Variants in CDC25B observed in about 807,000 individuals in gnomAD.
CDC25B encodes the protein cell division cycle 25B.
In CDC25B, 33 loss-of-function variants were observed where a neutral mutation model predicts 69.8. The observed-to-expected ratio is 0.47, with a 90% CI of 0.36 to 0.63. CDC25B has a LOEUF of 0.63. Among genes scored for constraint, CDC25B ranks in the 30% least tolerant of loss-of-function variants. The pLI is 0.00. For synonymous variants in CDC25B, 341 were observed against 314.6 expected (o/e 1.08, Z -0.89); for missense variants, 727 against 809.1 (o/e 0.90, Z 1.23).
Position 3,796,715 on chromosome 20 carries a change from C to G in CDC25B, c.184C>G (p.Leu62Val). 6.4e-7 allele frequency: 1 copy of G among 1,569,030 alleles called. No homozygotes were observed. The highest frequency in any genetic ancestry group is 1.1e-5 in the South Asian group (1 of 87,304). The change falls in exon 1 of 16, where the codon CTC (leucine) becomes GTC (valine). Residue 62 changes from leucine to valine, a missense_variant. Around this residue, in one of 2 missense-constraint regions of CDC25B, gnomAD observed 368 missense variants for 345.6 expected, o/e 1.06. Coordinates refer to ENST00000245960, the MANE Select transcript of CDC25B (RefSeq NM_021873.4). ...VTTLTQTMHD[L>V]AGLGSETPKS... ...CACCCTCACCCAGACCATGCACGAC[C>G]TCGCCGGGCTCGGCAGGTAGGACAC... is the stretch of plus-strand genomic sequence containing the variant.
At chr20:3,801,454 T>C in intron 8 of CDC25B, 66 bp downstream of exon 8, 1 of 1,515,996 alleles carries the variant, frequency 6.6e-7, no homozygotes, top group Non-Finnish European at 8.9e-7. Context: ...AGAAGAGAGC[T>C]CTGAGCCCTT....
intron 2 of CDC25B, among the ~76,000 whole-genome samples, 190 bp from the exon 3 acceptor site, chr20:3,798,222 C>G (rs2089135040): frequency 6.6e-6 from 1 of 151,884 alleles, no homozygotes; most frequent in Non-Finnish European, 1.5e-5. Flanking sequence ...GAGTGGAGCC[C>G]TGTACCGTCT....
Position 3,796,430 on chromosome 20 carries a change from C to G in CDC25B, c.-102C>G, listed in dbSNP as rs1487888721. The stretch of plus-strand genomic sequence containing the variant: ...CTCCCTCCCTCCTTCCCCCCCCCCC[C>G]ACCCCTCGCCCGCTGCCTCCCTCGG... On this transcript the variant is annotated 5_prime_UTR_variant, in exon 1 of 16. Coordinates refer to ENST00000245960, the MANE Select transcript of CDC25B (RefSeq NM_021873.4). The G allele has an allele frequency of 1.2e-4, 43 of 355,056 alleles. No individual in the cohort carries two copies. In the South Asian group the frequency reaches 1.4e-3, roughly 12 times the overall value. The allele number at this position is 355,056 out of a possible 1,614,324, so 22.0% of individuals were successfully genotyped here.
chr20:3,794,316 T>C (rs1227719501), upstream of CDC25B, among the ~76,000 whole-genome samples: 2 of 151,080 alleles, frequency 1.3e-5, no homozygotes, highest in Non-Finnish European at 1.5e-5. Flanking sequence ...TGGTATCTCA[T>C]TGTGGTTTTG....
chr20:3,801,771 T>A lies in CDC25B; in HGVS notation c.890T>A (p.Leu297Gln). Reference protein sequence around the residue: ...PGMESLISAPLVKTLEKEEEK... With the variant: ...PGMESLISAPQVKTLEKEEEK... ...ATGGAGAGTCTCATTAGTGCCCCACTGGTCAAGACCTTGGAAAAGGAAGAG... is the reference window on the plus strand; with the variant it reads ...ATGGAGAGTCTCATTAGTGCCCCACAGGTCAAGACCTTGGAAAAGGAAGAG... Residue 297 changes from leucine to glutamine, a missense_variant, in exon 9 of 16, where the codon CTG becomes CAG. By Grantham distance (113) the Leu-to-Gln change is moderately radical. Transcript: ENST00000245960. The A allele has an allele frequency of 6.2e-7, 1 of 1,606,704 alleles. No homozygotes were observed. The highest frequency in any genetic ancestry group is 8.5e-7 in the Non-Finnish European group (1 of 1,177,234).
In CDC25B at chr20:3,805,171, C is replaced by T. The variant is rs2089436479; in HGVS notation, c.*210C>T. On this transcript the variant is annotated 3_prime_UTR_variant, in exon 16 of 16. Coordinates refer to ENST00000245960, the MANE Select transcript of CDC25B (RefSeq NM_021873.4). ...CTGGTGCCCCCCACCCCTGGAAGAGCCCAGTCTGTTGAGTTAGTTAAGTTG... is the reference window on the plus strand; with the variant it reads ...CTGGTGCCCCCCACCCCTGGAAGAGTCCAGTCTGTTGAGTTAGTTAAGTTG... 1 of 593,476 alleles carries T rather than the reference C, an allele frequency of 1.7e-6. No individual in the cohort carries two copies. The highest frequency in any genetic ancestry group is 2.8e-5 in the East Asian group (1 of 35,720). 36.8% of individuals were successfully genotyped at this position (593,476 alleles called of 1,614,324 possible).
At chr20:3,801,222 T>TCG (rs764126493) in intron 7 of CDC25B, 32 bp from the exon 8 acceptor site, 1 of 1,610,458 alleles carries the variant, frequency 6.2e-7, no homozygotes, top group East Asian at 2.2e-5. Flanking sequence ...TATCTCCACC[T>TCG]CTAAGTCTGT....
At chr20:3,801,147 AGAG>A (rs1705720179) in intron 7 of CDC25B, 54 bp downstream of exon 7, 13 of 1,609,016 alleles carry the variant, frequency 8.1e-6, no homozygotes, top group Non-Finnish European at 9.4e-6. Flanking sequence ...GCCTCGGAGA[AGAG>A]GAGGGTGGCC....
At chr20:3,793,124 CT>C (rs574888638), upstream of CDC25B, among the ~76,000 whole-genome samples, 9 of 152,176 alleles carry the variant, frequency 5.9e-5, no homozygotes, top group East Asian at 1.7e-3. Context: ...TTTCATGTTT[CT>C]TTTTTACTGT....
At chr20:3,797,851 C>G (rs1356106518) in intron 2 of CDC25B, 102 bp downstream of exon 2, 2 of 1,437,002 alleles carry the variant, frequency 1.4e-6, no homozygotes, top group East Asian at 2.3e-5. Context: ...AACATCCTCC[C>G]CACAACCTGG....
upstream of CDC25B, chr20:3,796,155 C>G (rs1282451365): frequency 1.8e-6 from 2 of 1,126,206 alleles, no homozygotes; most frequent in Non-Finnish European, 2.2e-6. Flanking sequence ...TCCGGCCCAC[C>G]CAAAGCCTGG....
upstream of CDC25B, among the ~76,000 whole-genome samples, chr20:3,794,591 C>G (rs1600381600): frequency 6.6e-6 from 1 of 152,108 alleles, no homozygotes; most frequent in East Asian, 1.9e-4. Context: ...TAAGGGCAGT[C>G]ACATCCTCAC....
At chr20:3,792,599 CT>C (rs2088933843), upstream of CDC25B, among the ~76,000 whole-genome samples, 1 of 152,222 alleles carries the variant, frequency 6.6e-6, no homozygotes, top group South Asian at 2.1e-4. Flanking sequence ...TCCCGAGTAG[CT>C]GGGATTTCAG....
chr20:3,796,783 T>G (rs1443982216), intron 1 of CDC25B, 52 bp downstream of exon 1: 1 of 1,505,196 alleles, frequency 6.6e-7, no homozygotes, highest in South Asian at 1.2e-5. Flanking sequence ...AGGTCTGGAG[T>G]CCTGGGCCTC....
intron 2 of CDC25B, 69 bp downstream of exon 2, chr20:3,797,818 C>T (rs2089119993): frequency 5.1e-6 from 8 of 1,578,376 alleles, no homozygotes; most frequent in Admixed American, 1.7e-5. Flanking sequence ...CCTGGGCCTC[C>T]CAATTTCCCT....
chr20:3,789,917 A>C (rs912088103), intron 1 of CDC25B, among the ~76,000 whole-genome samples: 10 of 151,472 alleles, frequency 6.6e-5, no homozygotes, highest in African/African-American at 2.4e-4. Flanking sequence ...TGAACCCGGG[A>C]GGTGGAGCTT....
upstream of CDC25B, chr20:3,795,948 G>C: frequency 1.0e-6 from 1 of 987,204 alleles, no homozygotes; most frequent in Non-Finnish European, 1.2e-6. Context: ...CCGGGAGCCA[G>C]TTGGAGCCTC....
rs370483062 is a variant in CDC25B, at chr20:3,790,294, A to C, written c.8+3155A>C. On this transcript the variant is annotated intron_variant, in intron 1 of 15. Coordinates refer to the CDC25B transcript ENST00000344256. ...AAAAAAAAAAAGGTTTTATTAAGAT[A>C]TATTTCAAGAAGCATACAATTCACC... is the stretch of plus-strand genomic sequence containing the variant. 8.2e-4 allele frequency among the ~76,000 whole-genome samples: 125 copies of C among 151,848 alleles called. 1 individual carries two copies. The highest frequency in any genetic ancestry group is 1.1e-3 in the Non-Finnish European group (75 of 67,946).
At chr20:3,800,255 G>A (rs1568506927) in intron 3 of CDC25B, 33 bp from the exon 4 acceptor site, 2 of 1,552,238 alleles carry the variant, frequency 1.3e-6, no homozygotes, top group Non-Finnish European at 1.8e-6. Context: ...TGCGGAGGGA[G>A]CATGGGTTGC....
Sources: allele counts gnomAD v4.1 joint callset (sites outside exome capture counted in the v4.1 genomes callset), GRCh38; gene constraint gnomAD v4.1.1; regional missense constraint gnomAD v4.1.1; transcripts MANE v1.5; gene names NCBI Gene and HGNC (gene_info 2026-07-23, HGNC 2026-07-21).